The following ERC1 variants were observed in gnomAD, a reference collection of about 807,000 sequenced individuals.
ERC1 encodes the protein RAB6 interacting protein 2.
In ERC1, 56 loss-of-function variants were observed where a neutral mutation model predicts 132.0. The ratio of observed to expected loss-of-function variants is 0.42; its 90% CI spans 0.34 to 0.53. The LOEUF (loss-of-function observed/expected upper bound fraction) is 0.53, where lower values mean the gene tolerates loss of function less well. Among genes scored for constraint, ERC1 ranks in the 20% least tolerant of loss-of-function variants. The pLI is 0.03. For missense variants in ERC1, 1,202 were observed against 1,349.9 expected, an observed-to-expected ratio of 0.89 and a Z score of 1.72; for synonymous variants, 478 against 476.1, an observed-to-expected ratio of 1.00 and a Z score of -0.05.
chr12:1,100,867 A>C (rs187445143), intron 3 of ERC1, among the ~76,000 whole-genome samples: 1 of 152,170 alleles, frequency 6.6e-6, no homozygotes, highest in Non-Finnish European at 1.5e-5. Context: ...ATACCAAGGG[A>C]ATGAGTATAG....
At chr12:1,179,326 G>T (rs1167517273) in intron 8 of ERC1, among the ~76,000 whole-genome samples, 1 of 152,026 alleles carries the variant, frequency 6.6e-6, no homozygotes, top group East Asian at 1.9e-4. Flanking sequence ...TTAAAGTACA[G>T]AACTGGCCAG....
intron 1 of ERC1, among the ~76,000 whole-genome samples, chr12:1,012,004 A>G (rs990174043): frequency 1.3e-5 from 2 of 152,142 alleles, no homozygotes; most frequent in African/African-American, 2.4e-5. Flanking sequence ...AATGGCAGAC[A>G]TTGGTTTGTA....
intron 8 of ERC1, among the ~76,000 whole-genome samples, chr12:1,142,109 T>C (rs1949909559): frequency 6.6e-6 from 1 of 152,156 alleles, no homozygotes; most frequent in Non-Finnish European, 1.5e-5. Context: ...ACCAAATTGG[T>C]TTAGTACATG....
intron 17 of ERC1, among the ~76,000 whole-genome samples, chr12:1,438,648 T>C (rs1014998465): frequency 1.3e-5 from 2 of 152,118 alleles, no homozygotes; most frequent in Non-Finnish European, 2.9e-5. Flanking sequence ...TTTAAAAAAA[T>C]GGCATCTTTC....
intron 2 of ERC1, among the ~76,000 whole-genome samples, chr12:1,029,234 C>T (rs1387911161): frequency 6.6e-6 from 1 of 152,050 alleles, no homozygotes; most frequent in Non-Finnish European, 1.5e-5. Context: ...TGCCTGTAAT[C>T]CCAGCTTCTA....
chr12:1,288,469 C>T (rs1463259142), intron 14 of ERC1, among the ~76,000 whole-genome samples: 1 of 152,164 alleles, frequency 6.6e-6, no homozygotes, highest in Non-Finnish European at 1.5e-5. Context: ...TAGCTGAAGA[C>T]ATTTAACTTG....
intron 17 of ERC1, among the ~76,000 whole-genome samples, chr12:1,419,416 A>G (rs79993210): frequency 0.017 from 2,572 of 150,882 alleles, 30 homozygotes; most frequent in Middle Eastern, 0.058. Flanking sequence ...TTCAAATATC[A>G]ATAACATGTA....
chr12:1,493,543 AAAAAAATATATATATATATATAT>A lies in ERC1; in HGVS notation c.*3315_*3337del, dbSNP rs1365822011. 9.8e-3 allele frequency: 824 copies of A among 84,456 alleles called. 68 individuals carry two copies. Among genetic ancestry groups the A allele is most frequent in the Non-Finnish European group, 0.015 (647 of 43,756 alleles). The allele number at this position is 84,456 out of a possible 1,614,324, so 5.2% of individuals were successfully genotyped here. ...CAGAGACTCCATTTAAAAAAAAAAA[AAAAAAATATATATATATATATAT>A]ATATATATATATGGATGGGAATCAC... is the stretch of plus-strand genomic sequence containing the variant. On this transcript the variant is annotated 3_prime_UTR_variant, in exon 19 of 19. Coordinates refer to ENST00000360905, the MANE Select transcript of ERC1 (RefSeq NM_178040.4).
chr12:1,058,794 T>G (rs565717508), intron 2 of ERC1, among the ~76,000 whole-genome samples: 12 of 150,084 alleles, frequency 8.0e-5, no homozygotes, highest in African/African-American at 2.9e-4. Context: ...AGTATGTTTT[T>G]TTTTTTTTTT....
chr12:1,301,923 T>G (rs978412401), intron 15 of ERC1, among the ~76,000 whole-genome samples: 20 of 152,152 alleles, frequency 1.3e-4, no homozygotes, highest in African/African-American at 4.6e-4. Flanking sequence ...TACCAAATGT[T>G]TAAGCAAGAT....
intron 12 of ERC1, chr12:1,204,217 T>C (rs1347039996): frequency 3.1e-6 from 1 of 323,632 alleles, no homozygotes; most frequent in African/African-American, 2.1e-5. Flanking sequence ...AAGAAATTGT[T>C]TTTTTTTTCC....
At chr12:1,014,521 CA>C (rs1474805469) in intron 1 of ERC1, among the ~76,000 whole-genome samples, 2 of 152,008 alleles carry the variant, frequency 1.3e-5, no homozygotes, top group African/African-American at 2.4e-5. Context: ...GAAAATGGAA[CA>C]GAGAAGAAAA....
intron 15 of ERC1, among the ~76,000 whole-genome samples, chr12:1,317,841 T>C (rs1019101375): frequency 3.3e-5 from 5 of 152,190 alleles, no homozygotes; most frequent in Non-Finnish European, 7.4e-5. Context: ...TCTTTATTCT[T>C]TAAGAAATAT....
At chr12:1,192,390 C>G (rs914140399) in intron 12 of ERC1, among the ~76,000 whole-genome samples, 1 of 152,184 alleles carries the variant, frequency 6.6e-6, no homozygotes, top group African/African-American at 2.4e-5. Context: ...ATTTAGTACT[C>G]GTTTGCATAT....
chr12:1,341,097 T>C (rs1408771843), intron 15 of ERC1, among the ~76,000 whole-genome samples: 8 of 83,630 alleles, frequency 9.6e-5, no homozygotes, highest in African/African-American at 4.0e-4. Context: ...TTTTTTTTTT[T>C]TTTTTTTTTT....
rs958832360 is a variant in ERC1 at position 1,134,184 on chromosome 12, T to A, written c.1570-7436T>A. 2.3e-4 allele frequency among the ~76,000 whole-genome samples: 35 copies of A among 152,276 alleles called. 1 individual carries two copies. Among genetic ancestry groups the A allele is most frequent in the Admixed American group, 1.3e-3 (20 of 15,286 alleles). ...AATTGCATTTATTCTAAAGCTAGTCTCCTCGTGCACCCCCTCCCCCTTGAT... is the reference window on the plus strand; with the variant it reads ...AATTGCATTTATTCTAAAGCTAGTCACCTCGTGCACCCCCTCCCCCTTGAT... On this transcript the variant is annotated intron_variant, in intron 7 of 18. Coordinates refer to ENST00000360905, the MANE Select transcript of ERC1 (RefSeq NM_178040.4).
intron 4 of ERC1, among the ~76,000 whole-genome samples, chr12:1,106,460 A>T (rs1007660324): frequency 6.6e-6 from 1 of 152,166 alleles, no homozygotes; most frequent in Non-Finnish European, 1.5e-5. Flanking sequence ...AAATAATTTT[A>T]TGTAAATAGA....
At chr12:1,067,578 C>T (rs1490855452) in intron 2 of ERC1, among the ~76,000 whole-genome samples, 5 of 152,140 alleles carry the variant, frequency 3.3e-5, no homozygotes, top group African/African-American at 1.2e-4. Flanking sequence ...CTGTCTTGAG[C>T]AGAGGGCCAT....
rs946962537 is a variant in ERC1 at position 1,404,865 on chromosome 12, G to A, written c.2926-3284G>A. ...CATCTAAATGTGGGGAGAGCCGGGC[G>A]CAGTGGCTCATGCCTGTAATCCCAG... is the stretch of plus-strand genomic sequence containing the variant. On this transcript the variant is annotated intron_variant, in intron 16 of 18. Coordinates refer to ENST00000360905, the MANE Select transcript of ERC1 (RefSeq NM_178040.4). Among the ~76,000 whole-genome samples the A allele has an allele frequency of 7.2e-5, 11 of 152,244 alleles. No homozygotes were observed. The East Asian group carries it at 1.9e-3, about 27-fold the overall frequency.
Sources: gnomAD v4.1 joint callset for allele counts (sites outside exome capture counted in the v4.1 genomes callset) on GRCh38, gnomAD v4.1.1 for gene constraint, MANE v1.5 for transcripts, NCBI Gene and HGNC (gene_info 2026-07-23, HGNC 2026-07-21) for gene names.